CCDC149: variants seen among roughly 807,000 people sequenced by gnomAD.
CCDC149 encodes coiled-coil domain containing 149, also known as coiled-coil domain-containing protein 149.
In CCDC149, 45 loss-of-function variants were observed where a neutral mutation model predicts 59.9. The ratio of observed to expected loss-of-function variants is 0.75; its 90% CI spans 0.59 to 0.96. The LOEUF is 0.96. Ranked by LOEUF, CCDC149 falls within the 40% of genes least tolerant of loss-of-function variation. The probability of loss-of-function intolerance (pLI) is 0.00; values close to 1 mark genes in which losing one functional copy is unlikely to be tolerated. For synonymous variants in CCDC149, 245 were observed against 260.6 expected (o/e 0.94, Z 0.58); for missense variants, 584 against 664.7 (o/e 0.88, Z 1.33).
chr4:24,822,467 G>T, intron 10 of CCDC149, 30 bp downstream of exon 10: 1 of 1,354,498 alleles, frequency 7.4e-7, no homozygotes, highest in South Asian at 1.5e-5. Context: ...AAAAAAAAAA[G>T]GAAAATTGTT....
At chr4:24,941,793 T>C (rs1331863908) in intron 1 of CCDC149, among the ~76,000 whole-genome samples, 5 of 152,180 alleles carry the variant, frequency 3.3e-5, no homozygotes, top group Non-Finnish European at 7.3e-5. Flanking sequence ...CTAGAAAATC[T>C]AGAAGAAATG....
At chr4:24,881,984 G>C (rs1025702380) in intron 1 of CCDC149, among the ~76,000 whole-genome samples, 4 of 152,058 alleles carry the variant, frequency 2.6e-5, no homozygotes, top group African/African-American at 9.7e-5. Context: ...TAAACATTCT[G>C]TGCCCCACCC....
At chr4:24,900,938 G>A (rs1721128233) in intron 1 of CCDC149, among the ~76,000 whole-genome samples, 1 of 152,198 alleles carries the variant, frequency 6.6e-6, no homozygotes, top group Admixed American at 6.5e-5. Flanking sequence ...AGTGAGACAG[G>A]CAGAAAGATA....
At chr4:24,821,487 C>A (rs773498132) in intron 10 of CCDC149, among the ~76,000 whole-genome samples, 7 of 152,218 alleles carry the variant, frequency 4.6e-5, no homozygotes, top group Non-Finnish European at 1.0e-4. Context: ...GGTCTTTTGA[C>A]AACAAGTTCA....
intron 1 of CCDC149, among the ~76,000 whole-genome samples, chr4:24,938,270 A>C (rs946191780): frequency 2.6e-5 from 4 of 152,048 alleles, no homozygotes; most frequent in African/African-American, 9.7e-5. Context: ...GAGGAATATT[A>C]TTTTTTTTCC....
chr4:24,915,759 G>A (rs538734344), upstream of CCDC149, among the ~76,000 whole-genome samples: 6 of 152,136 alleles, frequency 3.9e-5, no homozygotes, highest in Non-Finnish European at 5.9e-5. Context: ...AACCTGCTTC[G>A]CTTGTGAGAT....
intron 3 of CCDC149, among the ~76,000 whole-genome samples, chr4:24,867,416 C>T (rs574838324): frequency 6.6e-6 from 1 of 152,340 alleles, no homozygotes; most frequent in Admixed American, 6.5e-5. Context: ...TTATGAAAGA[C>T]ATACCTCCCA....
chr4:24,811,131 A>G (rs1030099161), intron 12 of CCDC149, among the ~76,000 whole-genome samples: 3 of 152,218 alleles, frequency 2.0e-5, no homozygotes, highest in Admixed American at 6.5e-5. Flanking sequence ...GCAAGGGTGG[A>G]GGAAGACTTT....
At chr4:24,869,891 T>C (rs1272401992) in intron 3 of CCDC149, among the ~76,000 whole-genome samples, 4 of 152,196 alleles carry the variant, frequency 2.6e-5, no homozygotes, top group African/African-American at 9.7e-5. Flanking sequence ...AAGTGATGAA[T>C]CAAAGTCGAT....
At chr4:24,931,649 C>T (rs1353416666) in intron 1 of CCDC149, among the ~76,000 whole-genome samples, 1 of 151,406 alleles carries the variant, frequency 6.6e-6, no homozygotes, top group Non-Finnish European at 1.5e-5. Flanking sequence ...ATTGCAAAAG[C>T]ACTGGGGATC....
chr4:24,873,761 T>C (rs367770730), intron 2 of CCDC149, 42 bp from the exon 3 acceptor site: 250 of 1,463,268 alleles, frequency 1.7e-4, no homozygotes, highest in Non-Finnish European at 2.2e-4. Flanking sequence ...TTTAGAAAAA[T>C]AGATGTACTT....
chr4:24,814,629 A>G (rs554003373), intron 12 of CCDC149, among the ~76,000 whole-genome samples: 1 of 152,348 alleles, frequency 6.6e-6, no homozygotes, highest in East Asian at 1.9e-4. Context: ...ATCCTGGGTG[A>G]TGTGGGTGCA....
chr4:24,872,716 T>C (rs1430787063), intron 3 of CCDC149, among the ~76,000 whole-genome samples: 3 of 146,402 alleles, frequency 2.0e-5, no homozygotes, highest in Admixed American at 2.0e-4. Flanking sequence ...CAAAACAGCA[T>C]GCACCCGCCA....
chr4:24,868,709 C>T (rs1026039141), intron 3 of CCDC149, among the ~76,000 whole-genome samples: 5 of 152,084 alleles, frequency 3.3e-5, no homozygotes, highest in Admixed American at 2.6e-4. Context: ...TGCTACAATG[C>T]AAGTTCCAAG....
chr4:24,957,220 A>T (rs973997766), intron 1 of CCDC149, among the ~76,000 whole-genome samples: 1 of 152,192 alleles, frequency 6.6e-6, no homozygotes, highest in African/African-American at 2.4e-5. Flanking sequence ...AAGCAACAAA[A>T]TCAGGCACAT....
intron 3 of CCDC149, among the ~76,000 whole-genome samples, chr4:24,867,733 T>G (rs1018057639): frequency 3.9e-5 from 6 of 152,152 alleles, no homozygotes; most frequent in South Asian, 4.1e-4. Context: ...CACAAGAGAA[T>G]AAGAACCACT....
chr4:24,836,561 C>A (rs1716539699), intron 6 of CCDC149, 53 bp from the exon 7 acceptor site: 1 of 1,230,112 alleles, frequency 8.1e-7, no homozygotes, highest in Non-Finnish European at 1.2e-6. Context: ...ATAAAAAACA[C>A]ACACTGAAGT....
chr4:24,842,596 T>C (rs1717005231), intron 4 of CCDC149, among the ~76,000 whole-genome samples: 1 of 152,198 alleles, frequency 6.6e-6, no homozygotes, highest in Non-Finnish European at 1.5e-5. Flanking sequence ...TAAATGTTTA[T>C]GAATGAATTA....
chr4:24,885,122 T>C (rs1263916016), intron 1 of CCDC149, among the ~76,000 whole-genome samples: 1 of 152,114 alleles, frequency 6.6e-6, no homozygotes, highest in African/African-American at 2.4e-5. Context: ...TGTGCCCAGA[T>C]AAAGCCAGAA....
Sources: allele counts gnomAD v4.1 joint callset (sites outside exome capture counted in the v4.1 genomes callset), GRCh38; gene constraint gnomAD v4.1.1; transcripts MANE v1.5; gene names NCBI Gene and HGNC (gene_info 2026-07-23, HGNC 2026-07-21).